BORA: variants seen among roughly 807,000 people sequenced by gnomAD.
The protein encoded by BORA is BORA aurora kinase A activator.
In BORA, 26 loss-of-function variants were observed where a neutral mutation model predicts 55.8. That is an observed-to-expected ratio of 0.47 (90% CI 0.34 to 0.65). The LOEUF is 0.65. Among genes scored for constraint, BORA ranks in the 30% least tolerant of loss-of-function variants. The probability of loss-of-function intolerance (pLI) is 0.01; values close to 1 mark genes in which losing one functional copy is unlikely to be tolerated. For synonymous variants in BORA, 201 were observed against 216.9 expected, an observed-to-expected ratio of 0.93 and a Z score of 0.64; for missense variants, 568 against 671.5, an observed-to-expected ratio of 0.85 and a Z score of 1.70.
In BORA at chr13:72,728,017, CT is replaced by C; in HGVS notation, c.-16+11del. The C allele has an allele frequency of 1.4e-6, 2 of 1,427,632 alleles. No individual in the cohort carries two copies. Among genetic ancestry groups the C allele is most frequent in the Non-Finnish European group, 1.9e-6 (2 of 1,080,618 alleles). 88.4% of individuals were successfully genotyped at this position (1,427,632 alleles called of 1,614,324 possible). ...CGTTTTGTACGCACCGGTAGGTACG[CT>C]CTTTGTGGTCCCTGGCCTTTCCTCC... On this transcript the variant is annotated intron_variant, in intron 1 of 11. Coordinates refer to ENST00000390667, the MANE Select transcript of BORA (RefSeq NM_024808.5).
At chr13:72,753,149 C>T (rs934169711) in intron 10 of BORA, 3 of 152,116 alleles carry the variant, frequency 2.0e-5, no homozygotes, top group Admixed American at 6.5e-5. Context: ...GCTGGAAGTT[C>T]GCTAGAATCT....
At chr13:72,752,222 C>T (rs2033295179) in intron 10 of BORA, 1 of 152,222 alleles carries the variant, frequency 6.6e-6, no homozygotes, top group Non-Finnish European at 1.5e-5. Flanking sequence ...GCAAGATTTA[C>T]ATAGCAGTGA....
At chr13:72,732,233 T>C (rs2138041849) in intron 3 of BORA, among the ~76,000 whole-genome samples, 2 of 152,312 alleles carry the variant, frequency 1.3e-5, no homozygotes, top group South Asian at 4.1e-4. Flanking sequence ...GATATTCTGG[T>C]AAATACTTAC....
chr13:72,746,850 A>G lies in BORA; in HGVS notation c.1221A>G (p.Thr407=). The G allele has an allele frequency of 6.2e-7, 1 of 1,614,156 alleles. No homozygotes were observed. The highest frequency in any genetic ancestry group is 2.2e-5 in the East Asian group (1 of 44,884). ...THLVVTAMSV[T]QNQSSASEKE... is the part of the protein sequence containing the mutation. ...TGGTTGTGACTGCCATGTCTGTTAC[A>G]CAAAATCAGTCCAGTGCTTCTGAGA... Residue 407 remains threonine, a synonymous_variant, in exon 10 of 12, where the codon ACA becomes ACG. Coordinates refer to ENST00000390667, the MANE Select transcript of BORA (RefSeq NM_024808.5).
At chr13:72,742,971 T>G (rs2033066543) in intron 5 of BORA, among the ~76,000 whole-genome samples, 1 of 152,042 alleles carries the variant, frequency 6.6e-6, no homozygotes, top group Non-Finnish European at 1.5e-5. Flanking sequence ...AGTCAGACTC[T>G]TAGAAGTAGA....
At position 72,733,342 on chromosome 13, in the gene BORA, C is replaced by T. The variant is rs138817960; in HGVS notation, c.261-1618C>T. 3.2e-3 allele frequency among the ~76,000 whole-genome samples: 493 copies of T among 152,304 alleles called. 3 individuals carry two copies. Among genetic ancestry groups the T allele is most frequent in the Middle Eastern group, 0.01 (3 of 294 alleles). On this transcript the variant is annotated intron_variant, in intron 3 of 11. Coordinates refer to ENST00000390667, the MANE Select transcript of BORA (RefSeq NM_024808.5). Reference sequence around the variant, plus strand: ...CATGTAGGTGACCAGTCCTGAGGTCCCCTCTCCTTTGCCACCCTGCAAAGG... The same window carrying T: ...CATGTAGGTGACCAGTCCTGAGGTCTCCTCTCCTTTGCCACCCTGCAAAGG...
In BORA at chr13:72,739,398, A is replaced by G. The variant is rs374164909; in HGVS notation, c.388+1355A>G. On this transcript the variant is annotated intron_variant, in intron 5 of 11. Coordinates refer to ENST00000390667, the MANE Select transcript of BORA (RefSeq NM_024808.5). Reference sequence around the variant, plus strand: ...TGCAGTGGTTAATAGGATAGGCTCCAGAGCTGTGCTGTTTACTGTGTTGTT... The same window carrying G: ...TGCAGTGGTTAATAGGATAGGCTCCGGAGCTGTGCTGTTTACTGTGTTGTT... Among the ~76,000 whole-genome samples, 56 of 152,344 alleles carry G rather than the reference A, an allele frequency of 3.7e-4. No individual in the cohort carries two copies. In the South Asian group the frequency reaches 0.011, roughly 29 times the overall value.
Position 72,746,930 on chromosome 13 carries a change from A to C in BORA, c.1301A>C (p.Asp434Ala). 6.2e-7 allele frequency: 1 copy of C among 1,614,142 alleles called. No homozygotes were observed. Among genetic ancestry groups the C allele is most frequent in the Non-Finnish European group, 8.5e-7 (1 of 1,179,984 alleles). ...AGGGAGAAAGACAATAACACTGTGG[A>C]TATGGTTGATCCTATAGAGATAGCA... ...VEREKDNNTVDMVDPIEIADE... is the reference protein window; with the variant it reads ...VEREKDNNTVAMVDPIEIADE... The change falls in exon 10 of 12, where the codon GAT becomes GCT. Residue 434 changes from aspartate (D) to alanine (A), a missense_variant. Physicochemically the swap from Asp to Ala is moderately radical, Grantham distance 126 (BLOSUM62 -2). Coordinates refer to ENST00000390667, the MANE Select transcript of BORA (RefSeq NM_024808.5).
intron 4 of BORA, among the ~76,000 whole-genome samples, chr13:72,737,035 T>G (rs929634705): frequency 1.3e-5 from 2 of 151,516 alleles, no homozygotes; most frequent in Non-Finnish European, 2.9e-5. Flanking sequence ...GGTAATTTAG[T>G]TAAGAAAATT....
chr13:72,746,020 T>C lies in BORA; in HGVS notation c.815T>C (p.Ile272Thr), dbSNP rs751873076. ...SLGSITSPSP[I>T]SSPTFSPIEF... Reference sequence around the variant, plus strand: ...GGAAGCATAACTAGTCCTTCGCCTATTTCTTCACCCACTTTCTCACCAATT... The same window carrying C: ...GGAAGCATAACTAGTCCTTCGCCTACTTCTTCACCCACTTTCTCACCAATT... The change falls in exon 9 of 12, where the codon ATT becomes ACT. Residue 272 changes from isoleucine to threonine, a missense_variant. By Grantham distance (89) the Ile-to-Thr change is moderately conservative. Coordinates refer to ENST00000390667, the MANE Select transcript of BORA (RefSeq NM_024808.5). The C allele has an allele frequency of 1.2e-6, 2 of 1,612,816 alleles. No homozygotes were observed. The highest frequency in any genetic ancestry group is 4.5e-5 in the East Asian group (2 of 44,806).
intron 5 of BORA, among the ~76,000 whole-genome samples, chr13:72,742,999 C>T (rs867785357): frequency 6.6e-6 from 1 of 151,932 alleles, no homozygotes; most frequent in African/African-American, 2.4e-5. Context: ...GTGGTGGTTA[C>T]CAGACGGTAG....
chr13:72,728,111 A>T (rs2032718640), intron 1 of BORA, 104 bp downstream of exon 1: 1 of 1,459,368 alleles, frequency 6.9e-7, no homozygotes, highest in Non-Finnish European at 9.4e-7. Context: ...GGTGAATGGG[A>T]GCAGTCAGGG....
At chr13:72,732,020 C>T (rs1160117270) in intron 3 of BORA, among the ~76,000 whole-genome samples, 19 of 152,012 alleles carry the variant, frequency 1.2e-4, no homozygotes, top group Admixed American at 1.2e-3. Context: ...AGTGTAAGGT[C>T]CTATTATTCT....
intron 10 of BORA, among the ~76,000 whole-genome samples, chr13:72,748,508 T>A (rs922775769): frequency 5.9e-5 from 9 of 152,196 alleles, no homozygotes; most frequent in African/African-American, 1.9e-4. Flanking sequence ...GGATTCTAAA[T>A]GACCCAAAAT....
Position 72,746,952 on chromosome 13 carries a change from A to G in BORA, c.1323A>G (p.Ile441Met). 1 of 1,614,174 alleles carries G rather than the reference A, an allele frequency of 6.2e-7. No homozygotes were observed. Among genetic ancestry groups the G allele is most frequent in the Non-Finnish European group, 8.5e-7 (1 of 1,179,998 alleles). Residue 441 changes from isoleucine (I) to methionine (M), a missense_variant, in exon 10 of 12, where the codon ATA becomes ATG. By Grantham distance (10) the Ile-to-Met change is conservative. Transcript: ENST00000390667. The stretch of plus-strand genomic sequence containing the variant: ...TGGATATGGTTGATCCTATAGAGAT[A>G]GCAGATGAGACCACTTGGATTAAGG... Reference protein sequence around the residue: ...NTVDMVDPIEIADETTWIKEP... With the variant: ...NTVDMVDPIEMADETTWIKEP...
chr13:72,745,257 C>A, intron 8 of BORA, 50 bp downstream of exon 8: 1 of 1,478,218 alleles, frequency 6.8e-7, no homozygotes, highest in Non-Finnish European at 9.4e-7. Context: ...CAAGCTTGAA[C>A]CCACATTTTG....
intron 5 of BORA, among the ~76,000 whole-genome samples, chr13:72,741,301 G>C (rs887636178): frequency 6.6e-6 from 1 of 152,158 alleles, no homozygotes; most frequent in Non-Finnish European, 1.5e-5. Flanking sequence ...CCTGCCCTTG[G>C]CATTATCCAG....
At chr13:72,749,189 T>G (rs1361089189) in intron 10 of BORA, among the ~76,000 whole-genome samples, 2 of 152,232 alleles carry the variant, frequency 1.3e-5, no homozygotes, top group Non-Finnish European at 2.9e-5. Context: ...CTTCAGAGTT[T>G]GAAGGCATTG....
chr13:72,736,292 A>G (rs1479124028), intron 4 of BORA, among the ~76,000 whole-genome samples: 1 of 152,168 alleles, frequency 6.6e-6, no homozygotes, highest in Non-Finnish European at 1.5e-5. Flanking sequence ...AAAATAGAAG[A>G]AACATATACA....
Sources: allele counts gnomAD v4.1 joint callset (sites outside exome capture counted in the v4.1 genomes callset), GRCh38; gene constraint gnomAD v4.1.1; transcripts MANE v1.5; gene names NCBI Gene and HGNC (gene_info 2026-07-23, HGNC 2026-07-21).